CASK: variants seen among roughly 807,000 people sequenced by gnomAD.
CASK encodes the protein peripheral plasma membrane protein CASK.
Under a neutral mutation model 82.9 loss-of-function variants are expected in CASK, and 4 were observed. The observed-to-expected ratio is 0.05, with a 90% CI of 0.02 to 0.11. The LOEUF is 0.11. CASK is among the 10% of genes least tolerant of loss of function. CASK has a pLI of 1.00. For synonymous variants in CASK, 259 were observed against 253.5 expected (o/e 1.02, Z -0.20); for missense variants, 358 against 720.9 (o/e 0.50, Z 5.76).
chrX:41,775,648 A>G (rs1202350846), intron 3 of CASK, among the ~76,000 whole-genome samples: 1 of 106,103 alleles, frequency 9.4e-6, no homozygotes, highest in Non-Finnish European at 2.0e-5. Flanking sequence ...ATGTCCAACA[A>G]TGATAGACTG....
intron 4 of CASK, among the ~76,000 whole-genome samples, chrX:41,744,933 G>A (rs2068661531): frequency 2.7e-5 from 3 of 111,691 alleles, no homozygotes; most frequent in Admixed American, 9.5e-5. Context: ...TTAGATCCCC[G>A]CTTCCTGTAC....
intron 2 of CASK, among the ~76,000 whole-genome samples, chrX:41,848,607 T>G (rs2071204176): frequency 8.9e-6 from 1 of 111,758 alleles, no homozygotes; most frequent in Non-Finnish European, 1.9e-5. Context: ...ATAAACCTCT[T>G]TTCTTCATAA....
intron 1 of CASK, among the ~76,000 whole-genome samples, chrX:41,906,171 ACTT>A (rs901179689): frequency 1.8e-5 from 2 of 112,111 alleles, no homozygotes; most frequent in African/African-American, 6.5e-5. Flanking sequence ...GTGTTCAGTC[ACTT>A]CTTCCCCTTG....
chrX:41,888,394 A>G (rs1261424119), intron 1 of CASK, among the ~76,000 whole-genome samples: 2 of 109,556 alleles, frequency 1.8e-5, no homozygotes, highest in Admixed American at 9.8e-5. Context: ...ACTGTACCCA[A>G]TGTGTTTTAT....
chrX:41,613,962 T>G (rs1284626047), intron 11 of CASK, among the ~76,000 whole-genome samples: 1 of 112,456 alleles, frequency 8.9e-6, no homozygotes, highest in East Asian at 2.8e-4. Flanking sequence ...TGGAAATTAC[T>G]GTAGCTATTT....
chrX:41,754,393 C>A (rs1412429880), intron 3 of CASK, among the ~76,000 whole-genome samples: 1 of 110,670 alleles, frequency 9.0e-6, no homozygotes, highest in Non-Finnish European at 1.9e-5. Context: ...ACAGTGAGAC[C>A]CTGACTCAAA....
At chrX:41,805,193 G>A (rs2070092183) in intron 2 of CASK, among the ~76,000 whole-genome samples, 1 of 111,919 alleles carries the variant, frequency 8.9e-6, no homozygotes, top group Admixed American at 9.5e-5. Flanking sequence ...AATATGGCAT[G>A]GCTCTCATTA....
At chrX:41,751,820 G>A (rs932330491) in intron 3 of CASK, among the ~76,000 whole-genome samples, 1 of 111,171 alleles carries the variant, frequency 9.0e-6, no homozygotes, top group Admixed American at 9.6e-5. Flanking sequence ...GAGGCAGGCA[G>A]ATTGCTTGAG....
intron 15 of CASK, chrX:41,570,865 A>T (rs1248873972): frequency 8.9e-6 from 1 of 111,978 alleles, no homozygotes; most frequent in African/African-American, 3.2e-5. Flanking sequence ...TTGGGCTATT[A>T]TAAGTAAAGC....
chrX:41,717,004 T>A (rs2068072849), intron 5 of CASK, among the ~76,000 whole-genome samples: 1 of 110,726 alleles, frequency 9.0e-6, no homozygotes, highest in African/African-American at 3.3e-5. Context: ...TGTTTCTTGC[T>A]CGTTGCCCTT....
chrX:41,673,829 GTTTTTTTTTTTTT>G lies in CASK; in HGVS notation c.430-2312_430-2300del, dbSNP rs887137250. ...TGAAACTGTGGTGAGAACTCTGGGT[GTTTTTTTTTTTTT>G]TTTTTTTTTTGCCTCCCATCATCAA... On this transcript the variant is annotated intron_variant, in intron 5 of 26. Transcript: ENST00000378163. Among the ~76,000 whole-genome samples the G allele has an allele frequency of 2.0e-4, 10 of 51,046 alleles. No individual in the cohort carries two copies. The East Asian group carries it at 6.2e-3, about 32-fold the overall frequency. The allele number at this position is 51,046 out of a possible 115,157, so 44.3% of individuals were successfully genotyped here.
At chrX:41,527,191 G>GTC (rs2064725433) in intron 25 of CASK, among the ~76,000 whole-genome samples, 1 of 110,207 alleles carries the variant, frequency 9.1e-6, no homozygotes, top group African/African-American at 3.3e-5. Context: ...GAGAGACGGG[G>GTC]ACAGAGAGAG....
At chrX:41,919,016 C>A (rs915098084) in intron 1 of CASK, among the ~76,000 whole-genome samples, 27 of 112,071 alleles carry the variant, frequency 2.4e-4, no homozygotes, top group Non-Finnish European at 4.7e-4. Flanking sequence ...AATGCAGGCT[C>A]TTCGGACAAT....
rs754190870 is a variant in CASK at position 41,534,582 on chromosome X, T to C, written c.2317+124A>G. On this transcript the variant is annotated intron_variant, in intron 24 of 26. Transcript: ENST00000378163. ...ACTCATTTTCCTCCTTGTTCTTTTT[T>C]TGATTTTACAAATTTCCTACAATGA... 95 of 544,518 alleles carry C rather than the reference T, an allele frequency of 1.7e-4. No individual in the cohort carries two copies. In the African/African-American group the frequency reaches 2.1e-3, roughly 12 times the overall value. 44.9% of individuals were successfully genotyped at this position (544,518 alleles called of 1,213,427 possible).
chrX:41,846,111 G>A (rs2071149418), intron 2 of CASK, among the ~76,000 whole-genome samples: 1 of 111,112 alleles, frequency 9.0e-6, no homozygotes, highest in African/African-American at 3.3e-5. Flanking sequence ...TATTGAAGAG[G>A]TATCTGCACT....
chrX:41,533,349 A>G (rs1289005424), intron 24 of CASK, among the ~76,000 whole-genome samples: 1 of 112,417 alleles, frequency 8.9e-6, no homozygotes, highest in Non-Finnish European at 1.9e-5. Flanking sequence ...ATCTAGACAT[A>G]AGGAGAATTA....
intron 1 of CASK, among the ~76,000 whole-genome samples, chrX:41,860,097 G>T (rs1175680467): frequency 9.0e-6 from 1 of 110,646 alleles, no homozygotes; most frequent in Non-Finnish European, 1.9e-5. Context: ...TACACATTAG[G>T]CCCTCAAAAA....
chrX:41,883,316 C>T (rs2071985178), intron 1 of CASK, among the ~76,000 whole-genome samples: 1 of 111,674 alleles, frequency 9.0e-6, no homozygotes, highest in Non-Finnish European at 1.9e-5. Context: ...TAAACATCAA[C>T]AGCTCCTGTA....
At chrX:41,742,655 A>G in intron 4 of CASK, among the ~76,000 whole-genome samples, 1 of 112,145 alleles carries the variant, frequency 8.9e-6, no homozygotes, top group Non-Finnish European at 1.9e-5. Flanking sequence ...CGGTCTCACT[A>G]GAATACTGAT....
Sources: allele counts gnomAD v4.1 joint callset (sites outside exome capture counted in the v4.1 genomes callset), GRCh38; gene constraint gnomAD v4.1.1; transcripts MANE v1.5; gene names NCBI Gene and HGNC (gene_info 2026-07-23, HGNC 2026-07-21).